The following GARNL3 variants were observed in gnomAD, a reference collection of about 807,000 sequenced individuals.
GARNL3 encodes the protein GTPase activating Rap/RanGAP domain like 3, also known as GTPase-activating Rap/Ran-GAP domain-like protein 3.
GARNL3 carries 63 observed loss-of-function variants against 125.0 expected under a neutral mutation model. That is an observed-to-expected ratio of 0.50 (90% CI 0.41 to 0.62). The LOEUF is 0.62. GARNL3 is among the 20% of genes least tolerant of loss of function. The pLI, the probability that GARNL3 is intolerant of heterozygous loss-of-function variation, is 0.00. For missense variants in GARNL3, 994 were observed against 1,244.0 expected, an observed-to-expected ratio of 0.80 and a Z score of 3.02; for synonymous variants, 439 against 457.5, an observed-to-expected ratio of 0.96 and a Z score of 0.52.
intron 1 of GARNL3, among the ~76,000 whole-genome samples, chr9:127,275,114 C>CT: frequency 6.6e-6 from 1 of 152,322 alleles, no homozygotes; most frequent in South Asian, 2.1e-4. Flanking sequence ...CCTTTATGTA[C>CT]TGCTCTTAGC....
rs1278573144 is a variant in GARNL3 at position 127,384,313 on chromosome 9, G to A, written c.2270-714G>A. The stretch of plus-strand genomic sequence containing the variant: ...CACAGTCACCAGGAAAGCCAGGAGA[G>A]CAGATGCGCTCATCCATGGAAAGAG... On this transcript the variant is annotated intron_variant, in intron 23 of 27. Coordinates refer to ENST00000373387, the MANE Select transcript of GARNL3 (RefSeq NM_032293.5). This position sits in a 1 kb window ranked among gnomAD's most constrained non-coding sequence, Gnocchi z 4.0. 6.6e-6 allele frequency among the ~76,000 whole-genome samples: 1 copy of A among 152,184 alleles called. No homozygotes were observed. Among genetic ancestry groups the A allele is most frequent in the African/African-American group, 2.4e-5 (1 of 41,434 alleles).
At chr9:127,304,495 A>G (rs1017475648) in intron 2 of GARNL3, among the ~76,000 whole-genome samples, 2 of 151,938 alleles carry the variant, frequency 1.3e-5, no homozygotes, top group African/African-American at 4.8e-5. Context: ...GTATCCACCA[A>G]AAGACAGACT....
intron 2 of GARNL3, among the ~76,000 whole-genome samples, chr9:127,252,309 T>C (rs2063419278): frequency 6.6e-6 from 1 of 152,216 alleles, no homozygotes; most frequent in South Asian, 2.1e-4. Context: ...AACAAAATTG[T>C]AGACTACAGC....
At chr9:127,334,989 T>A (rs1207368127) in intron 9 of GARNL3, among the ~76,000 whole-genome samples, 1 of 152,244 alleles carries the variant, frequency 6.6e-6, no homozygotes, top group Admixed American at 6.5e-5. Context: ...GGACTTCTTA[T>A]GACCTTCTCC....
chr9:127,225,012 C>T (rs1390608602), intron 1 of GARNL3, among the ~76,000 whole-genome samples: 25 of 110,212 alleles, frequency 2.3e-4, no homozygotes, highest in Non-Finnish European at 4.1e-4. Context: ...GGGGCGGGGC[C>T]TGTAACAGGC....
intron 16 of GARNL3, among the ~76,000 whole-genome samples, chr9:127,345,926 G>A (rs1240796754): frequency 1.3e-5 from 2 of 152,240 alleles, no homozygotes; most frequent in African/African-American, 4.8e-5. Context: ...AAGCTTCAGT[G>A]TGTATTGAAT....
At chr9:127,236,927 G>A (rs551985071) in intron 1 of GARNL3, among the ~76,000 whole-genome samples, 1 of 152,262 alleles carries the variant, frequency 6.6e-6, no homozygotes, top group South Asian at 2.1e-4. Flanking sequence ...TCTGCGCTCT[G>A]CACAGGGTCA....
chr9:127,278,862 T>C (rs2064028167), intron 1 of GARNL3, among the ~76,000 whole-genome samples: 5 of 152,184 alleles, frequency 3.3e-5, no homozygotes, highest in Admixed American at 3.3e-4. Context: ...TGTAGCTGCG[T>C]CACTCCAGTC....
At chr9:127,389,921 TAA>T (rs1169168184) in intron 26 of GARNL3, among the ~76,000 whole-genome samples, 40 of 78,676 alleles carry the variant, frequency 5.1e-4, no homozygotes, top group African/African-American at 1.4e-3. Context: ...ACCCTGTCTT[TAA>T]AAAAAAAAAA....
intron 7 of GARNL3, among the ~76,000 whole-genome samples, chr9:127,329,504 T>G (rs1212416063): frequency 2.6e-5 from 4 of 152,090 alleles, no homozygotes; most frequent in African/African-American, 9.7e-5. Flanking sequence ...GATGAAGACT[T>G]GACAAGACCT....
intron 22 of GARNL3, among the ~76,000 whole-genome samples, chr9:127,374,243 G>T (rs1831765421): frequency 6.6e-6 from 1 of 152,178 alleles, no homozygotes; most frequent in Non-Finnish European, 1.5e-5. Flanking sequence ...GGAGGCTGCA[G>T]TGAGCTGAGA....
chr9:127,267,130 T>C (rs906516046), intron 1 of GARNL3, among the ~76,000 whole-genome samples: 1 of 152,206 alleles, frequency 6.6e-6, no homozygotes, highest in African/African-American at 2.4e-5. Flanking sequence ...GGACCTCAGC[T>C]AGGTCATCAG....
intron 6 of GARNL3, among the ~76,000 whole-genome samples, chr9:127,323,594 G>T (rs1269838234): frequency 6.6e-6 from 1 of 152,162 alleles, no homozygotes; most frequent in Non-Finnish European, 1.5e-5. Flanking sequence ...GCTGAGAGGT[G>T]CGATCCTTTT....
At chr9:127,305,222 T>TA (rs76428776) in intron 2 of GARNL3, among the ~76,000 whole-genome samples, 6 of 151,676 alleles carry the variant, frequency 4.0e-5, no homozygotes, top group African/African-American at 7.3e-5. Flanking sequence ...TGTATAAATG[T>TA]AAAAAAAAAT....
At chr9:127,286,339 T>C (rs1452863169) in intron 1 of GARNL3, among the ~76,000 whole-genome samples, 1 of 152,208 alleles carries the variant, frequency 6.6e-6, no homozygotes, top group Non-Finnish European at 1.5e-5. Flanking sequence ...CCTTCACTAG[T>C]AGTTCTCCTT....
At chr9:127,304,622 G>A (rs1230245868) in intron 2 of GARNL3, among the ~76,000 whole-genome samples, 3 of 132,644 alleles carry the variant, frequency 2.3e-5, no homozygotes, top group Non-Finnish European at 3.1e-5. Flanking sequence ...TGCAACCTCC[G>A]TCTCTTGGAT....
intron 2 of GARNL3, among the ~76,000 whole-genome samples, chr9:127,297,599 T>C (rs2064642287): frequency 6.6e-6 from 1 of 152,226 alleles, no homozygotes; most frequent in South Asian, 2.1e-4. Context: ...GTCACATGTG[T>C]TGATATAGGC....
At chr9:127,355,270 T>C (rs1451160858) in intron 19 of GARNL3, 27 bp from the exon 20 acceptor site, 1 of 1,607,958 alleles carries the variant, frequency 6.2e-7, no homozygotes, top group Non-Finnish European at 8.5e-7. Context: ...ATGTCATGTG[T>C]AAGGCATCAT....
intron 1 of GARNL3, among the ~76,000 whole-genome samples, chr9:127,273,680 GTGTTGCTTGTAGGA>G (rs1289898659): frequency 6.6e-6 from 1 of 152,170 alleles, no homozygotes; most frequent in Non-Finnish European, 1.5e-5. Context: ...TCTTGGTGGT[GTGTTGCTTGTAGGA>G]TGCTGCTAAG....
Sources: gnomAD v4.1 joint callset for allele counts (sites outside exome capture counted in the v4.1 genomes callset) on GRCh38, gnomAD v4.1.1 for gene constraint, Gnocchi (gnomAD v3.1) non-coding constraint, MANE v1.5 for transcripts, NCBI Gene and HGNC (gene_info 2026-07-23, HGNC 2026-07-21) for gene names.